Variants in TRAF3 observed in about 807,000 individuals in gnomAD.
TRAF3 encodes TNF receptor-associated factor 3.
A neutral mutation model predicts 62.3 loss-of-function variants in TRAF3; 13 were observed. The ratio of observed to expected loss-of-function variants is 0.21; its 90% CI spans 0.14 to 0.33. TRAF3 has a LOEUF of 0.33. Ranked by LOEUF, TRAF3 falls within the 10% of genes least tolerant of loss-of-function variation. The pLI is 1.00. For missense variants in TRAF3, 440 were observed against 741.8 expected (o/e 0.59, Z 4.73); for synonymous variants, 269 against 283.4 (o/e 0.95, Z 0.51).
chr14:102,796,273 G>T (rs1000983413), intron 1 of TRAF3, among the ~76,000 whole-genome samples: 2 of 152,224 alleles, frequency 1.3e-5, no homozygotes, highest in African/African-American at 4.8e-5. Flanking sequence ...GGCGGAACAC[G>T]TGGAGGTTTC....
intron 9 of TRAF3, among the ~76,000 whole-genome samples, chr14:102,895,433 A>G (rs1400282253): frequency 1.3e-5 from 2 of 152,224 alleles, no homozygotes; most frequent in Non-Finnish European, 2.9e-5. Flanking sequence ...TAGGCTGGCT[A>G]CCCTTTAGAT....
chr14:102,781,672 G>A (rs561028105), intron 1 of TRAF3, among the ~76,000 whole-genome samples: 2 of 152,084 alleles, frequency 1.3e-5, no homozygotes, highest in East Asian at 1.9e-4. Context: ...TGTTGCCCAC[G>A]CTGGAGTGCA....
chr14:102,803,178 C>T (rs1414176740), intron 1 of TRAF3, among the ~76,000 whole-genome samples: 1 of 152,214 alleles, frequency 6.6e-6, no homozygotes, highest in Non-Finnish European at 1.5e-5. Context: ...CTATCAGTGG[C>T]TTACGCTCCT....
In TRAF3 at chr14:102,903,129, G is replaced by T; in HGVS notation, c.961-126G>T. On this transcript the variant is annotated intron_variant, in intron 10 of 11. Coordinates refer to ENST00000392745, the MANE Select transcript of TRAF3 (RefSeq NM_145725.3). The surrounding 1 kb of genome is among the most constrained non-coding windows in gnomAD (Gnocchi z 6.4). The stretch of plus-strand genomic sequence containing the variant: ...CCCCACTCCTGGAGTCAGAGCCGCG[G>T]GTGGCAGGCCTCATACAGGGGCCTC... 1 of 1,330,098 alleles carries T rather than the reference G, an allele frequency of 7.5e-7. No individual in the cohort carries two copies. The allele number at this position is 1,330,098 out of a possible 1,614,324, so 82.4% of individuals were successfully genotyped here.
At chr14:102,819,092 T>G (rs553361341) in intron 1 of TRAF3, among the ~76,000 whole-genome samples, 3 of 151,774 alleles carry the variant, frequency 2.0e-5, no homozygotes, top group Non-Finnish European at 4.4e-5. Flanking sequence ...TTAATTAATT[T>G]AAAAAAATCC....
intron 2 of TRAF3, among the ~76,000 whole-genome samples, chr14:102,846,638 T>TAAAAAAAAAAA (rs752922791): frequency 7.0e-5 from 5 of 71,786 alleles, no homozygotes; most frequent in African/African-American, 3.1e-4. Context: ...TCCAGCTTCT[T>TAAAAAAAAAAA]AAAAAAAAAA....
chr14:102,857,226 G>A (rs1444032166), intron 2 of TRAF3, among the ~76,000 whole-genome samples: 1 of 152,090 alleles, frequency 6.6e-6, no homozygotes, highest in Non-Finnish European at 1.5e-5. Flanking sequence ...ATCACTGATT[G>A]GTTCACAGGA....
intron 2 of TRAF3, among the ~76,000 whole-genome samples, chr14:102,867,112 C>G (rs1394994534): frequency 1.3e-5 from 2 of 152,112 alleles, no homozygotes; most frequent in Admixed American, 6.6e-5. Context: ...TTGTTGTTAC[C>G]TCTGCTTTGG....
intron 2 of TRAF3, among the ~76,000 whole-genome samples, chr14:102,869,658 T>C (rs752440568): frequency 1.9e-4 from 29 of 151,590 alleles, no homozygotes; most frequent in Non-Finnish European, 4.0e-4. Context: ...TACAAAAAAT[T>C]AGCCAGGTGT....
At chr14:102,894,859 G>C (rs746793787) in intron 9 of TRAF3, among the ~76,000 whole-genome samples, 1 of 152,060 alleles carries the variant, frequency 6.6e-6, no homozygotes, top group African/African-American at 2.4e-5. Context: ...ACCACACCTG[G>C]CTAATTTTTG....
chr14:102,829,863 C>G (rs186557159), intron 1 of TRAF3, among the ~76,000 whole-genome samples: 33 of 152,332 alleles, frequency 2.2e-4, no homozygotes, highest in African/African-American at 6.7e-4. Flanking sequence ...GGGATGGTGG[C>G]TCACACCTGT....
At chr14:102,802,133 T>A (rs1332387887) in intron 1 of TRAF3, among the ~76,000 whole-genome samples, 2 of 148,120 alleles carry the variant, frequency 1.4e-5, no homozygotes, top group African/African-American at 2.5e-5. Flanking sequence ...ATTGCAGGCA[T>A]GAGCCATTGC....
At chr14:102,866,520 A>G (rs928851858) in intron 2 of TRAF3, among the ~76,000 whole-genome samples, 6 of 152,194 alleles carry the variant, frequency 3.9e-5, no homozygotes, top group African/African-American at 1.4e-4. Context: ...AATCTCCCCA[A>G]ATCAATATTA....
rs149969718 is a variant in TRAF3 at position 102,887,585 on chromosome 14, T to C, written c.651+1316T>C. On this transcript the variant is annotated intron_variant, in intron 7 of 11. Coordinates refer to ENST00000392745, the MANE Select transcript of TRAF3 (RefSeq NM_145725.3). ...CTGTTAATGTATAAAGAGTCTGTGC[T>C]GTTGAAATAATTTCTTTTTTTTTTT... Among the ~76,000 whole-genome samples the C allele has an allele frequency of 2.5e-3, 383 of 152,280 alleles. 1 individual carries two copies. The highest frequency in any genetic ancestry group is 4.4e-3 in the Admixed American group (67 of 15,304).
Position 102,908,137 on chromosome 14 carries a change from T to C in TRAF3, c.*2353T>C, listed in dbSNP as rs1890678598. On this transcript the variant is annotated 3_prime_UTR_variant, in exon 12 of 12. Transcript: ENST00000392745. ...TCCCCTCTGGGTTGAAGTCCTGGTGTGGCCCCCAGAAGCAGCAGTGCGTGT... is the reference window on the plus strand; with the variant it reads ...TCCCCTCTGGGTTGAAGTCCTGGTGCGGCCCCCAGAAGCAGCAGTGCGTGT... The C allele has an allele frequency of 6.6e-6, 1 of 152,322 alleles. No homozygotes were observed. The highest frequency in any genetic ancestry group is 2.4e-5 in the African/African-American group (1 of 41,480). The allele number at this position is 152,322 out of a possible 1,614,324, so 9.4% of individuals were successfully genotyped here.
intron 1 of TRAF3, among the ~76,000 whole-genome samples, chr14:102,827,535 CTG>C (rs1446974601): frequency 6.6e-6 from 1 of 152,204 alleles, no homozygotes; most frequent in African/African-American, 2.4e-5. Context: ...AGAGTTTTGA[CTG>C]TGACCCGTCA....
chr14:102,777,918 C>T (rs1177446691), intron 1 of TRAF3, among the ~76,000 whole-genome samples: 2 of 149,722 alleles, frequency 1.3e-5, no homozygotes, highest in Admixed American at 6.6e-5. Flanking sequence ...AAACTTTGTC[C>T]CGGAGGCCGG....
chr14:102,785,062 C>G (rs1337635698), intron 1 of TRAF3, among the ~76,000 whole-genome samples: 1 of 152,234 alleles, frequency 6.6e-6, no homozygotes, highest in African/African-American at 2.4e-5. Context: ...CCCCAGAGTT[C>G]ATGGTTTCAC....
In TRAF3 at chr14:102,908,005, T is replaced by C. The variant is rs1189823647; in HGVS notation, c.*2221T>C. ...CCTACCTGCCCTCAGGTAGTTTTCCTGAGGCCAGGGGTTAACAACAGGGAC... is the reference window on the plus strand; with the variant it reads ...CCTACCTGCCCTCAGGTAGTTTTCCCGAGGCCAGGGGTTAACAACAGGGAC... On this transcript the variant is annotated 3_prime_UTR_variant, in exon 12 of 12. Coordinates refer to ENST00000392745, the MANE Select transcript of TRAF3 (RefSeq NM_145725.3). The C allele has an allele frequency of 6.6e-6, 1 of 152,266 alleles. No homozygotes were observed. Among genetic ancestry groups the C allele is most frequent in the Admixed American group, 6.5e-5 (1 of 15,288 alleles). The allele number at this position is 152,266 out of a possible 1,614,324, so 9.4% of individuals were successfully genotyped here. A position where few individuals can be genotyped will look rare whatever the true frequency, so the allele number is the denominator to read the frequency against.
Sources: gnomAD v4.1 joint callset for allele counts (sites outside exome capture counted in the v4.1 genomes callset) on GRCh38, gnomAD v4.1.1 for gene constraint, Gnocchi (gnomAD v3.1) non-coding constraint, MANE v1.5 for transcripts, NCBI Gene and HGNC (gene_info 2026-07-23, HGNC 2026-07-21) for gene names.